Variants in NRG3 observed in about 807,000 individuals in gnomAD.
The protein encoded by NRG3 is neuregulin 3.
A neutral mutation model predicts 66.9 loss-of-function variants in NRG3; 31 were observed. That is an observed-to-expected ratio of 0.46 (90% CI 0.35 to 0.63). The LOEUF (loss-of-function observed/expected upper bound fraction) is 0.63, where lower values mean the gene tolerates loss of function less well. Ranked by LOEUF, NRG3 falls within the 20% of genes least tolerant of loss-of-function variation. The pLI is 0.00. For missense variants in NRG3, 910 were observed against 878.9 expected, an observed-to-expected ratio of 1.04 and a Z score of -0.45; for synonymous variants, 393 against 359.4, an observed-to-expected ratio of 1.09 and a Z score of -1.06.
At chr10:82,153,411 T>TTA (rs112610515) in intron 1 of NRG3, among the ~76,000 whole-genome samples, 23 of 146,528 alleles carry the variant, frequency 1.6e-4, no homozygotes, top group African/African-American at 5.2e-4. Context: ...TAGTATTCCA[T>TTA]TGTGTGTGTG....
chr10:82,205,195 A>G (rs2075053937), intron 1 of NRG3, among the ~76,000 whole-genome samples: 2 of 152,192 alleles, frequency 1.3e-5, no homozygotes, highest in Admixed American at 6.5e-5. Flanking sequence ...ACATCTTTCC[A>G]TTTCTTAAAC....
At chr10:82,787,879 C>G (rs573509638) in intron 3 of NRG3, among the ~76,000 whole-genome samples, 2 of 152,258 alleles carry the variant, frequency 1.3e-5, no homozygotes, top group South Asian at 2.1e-4. Flanking sequence ...AACCACTTGG[C>G]TATGTCTCCA....
chr10:82,472,225 T>C (rs960660402), intron 2 of NRG3, among the ~76,000 whole-genome samples: 8 of 152,210 alleles, frequency 5.3e-5, no homozygotes, highest in Non-Finnish European at 1.0e-4. Flanking sequence ...GCCTGGGGCA[T>C]TGAACACATT....
intron 2 of NRG3, among the ~76,000 whole-genome samples, chr10:82,575,700 G>A (rs1307325920): frequency 1.3e-5 from 2 of 151,608 alleles, no homozygotes; most frequent in East Asian, 3.9e-4. Flanking sequence ...TTTCCTATGG[G>A]GCCAAAAATC....
At chr10:82,156,646 G>A (rs1463157940) in intron 1 of NRG3, among the ~76,000 whole-genome samples, 1 of 151,796 alleles carries the variant, frequency 6.6e-6, no homozygotes, top group East Asian at 1.9e-4. Flanking sequence ...TTGGAAAATT[G>A]TGGAATTTAT....
intron 2 of NRG3, among the ~76,000 whole-genome samples, chr10:82,615,750 T>C (rs2048604656): frequency 6.6e-6 from 1 of 152,100 alleles, no homozygotes; most frequent in South Asian, 2.1e-4. Flanking sequence ...AAGAAAGAGA[T>C]AGTAAAAATG....
intron 4 of NRG3, among the ~76,000 whole-genome samples, chr10:82,899,226 C>A (rs533470401): frequency 1.3e-5 from 2 of 152,270 alleles, no homozygotes; most frequent in South Asian, 4.1e-4. Flanking sequence ...TGGCTGGGAT[C>A]TCTGAATGCT....
intron 2 of NRG3, among the ~76,000 whole-genome samples, chr10:82,432,201 T>A (rs2089858269): frequency 6.6e-6 from 1 of 152,180 alleles, no homozygotes; most frequent in Non-Finnish European, 1.5e-5. Flanking sequence ...AAAAATTGTA[T>A]CTGTTCCTAA....
intron 2 of NRG3, among the ~76,000 whole-genome samples, chr10:82,425,803 G>A (rs1162333992): frequency 3.9e-5 from 6 of 152,144 alleles, no homozygotes; most frequent in African/African-American, 1.2e-4. Context: ...AGTCTTGCCT[G>A]TTGTCTTTGG....
At chr10:82,109,034 C>A (rs1479495271) in intron 1 of NRG3, among the ~76,000 whole-genome samples, 1 of 152,160 alleles carries the variant, frequency 6.6e-6, no homozygotes, top group African/African-American at 2.4e-5. Flanking sequence ...GTTTTATTCA[C>A]CAGGGTATAC....
chr10:82,351,834 C>T (rs114659529), intron 1 of NRG3, among the ~76,000 whole-genome samples: 1 of 152,220 alleles, frequency 6.6e-6, no homozygotes, highest in Non-Finnish European at 1.5e-5. Context: ...TAAGTATGCA[C>T]TTCTGACCTA....
At chr10:81,903,016 C>G (rs1012737109) in intron 1 of NRG3, among the ~76,000 whole-genome samples, 1 of 151,950 alleles carries the variant, frequency 6.6e-6, no homozygotes, top group South Asian at 2.1e-4. Flanking sequence ...AAAAAGGAAA[C>G]CTGAAGTGAA....
chr10:82,151,059 CT>C (rs1239329286), intron 1 of NRG3, among the ~76,000 whole-genome samples: 3 of 152,110 alleles, frequency 2.0e-5, no homozygotes, highest in Non-Finnish European at 4.4e-5. Context: ...AAAATGTATG[CT>C]AAGGGTCCAA....
At chr10:82,705,050 C>T (rs570176693) in intron 2 of NRG3, among the ~76,000 whole-genome samples, 2 of 152,254 alleles carry the variant, frequency 1.3e-5, no homozygotes, top group East Asian at 3.9e-4. Flanking sequence ...CAGCAATCAT[C>T]AGACAGAAAA....
At chr10:82,828,836 C>T (rs1362334159) in intron 3 of NRG3, among the ~76,000 whole-genome samples, 6 of 152,224 alleles carry the variant, frequency 3.9e-5, no homozygotes, top group Non-Finnish European at 5.9e-5. Flanking sequence ...CAGCTTCTTC[C>T]GCCTTCCCTT....
intron 1 of NRG3, among the ~76,000 whole-genome samples, chr10:82,223,590 C>A (rs918904384): frequency 6.6e-6 from 1 of 151,212 alleles, no homozygotes; most frequent in Non-Finnish European, 1.5e-5. Context: ...AGGGTTTTTG[C>A]TGCCTTTGTG....
chr10:82,397,181 G>A (rs2086769485), intron 2 of NRG3, among the ~76,000 whole-genome samples: 2 of 152,002 alleles, frequency 1.3e-5, no homozygotes, highest in Non-Finnish European at 2.9e-5. Flanking sequence ...CTTTTCTCAG[G>A]GTGTCTGTTC....
intron 1 of NRG3, among the ~76,000 whole-genome samples, chr10:82,254,732 AC>A (rs1482007389): frequency 6.6e-6 from 1 of 151,854 alleles, no homozygotes; most frequent in African/African-American, 2.4e-5. Context: ...ACAGGAGCCA[AC>A]AAAAGTATTT....
intron 4 of NRG3, among the ~76,000 whole-genome samples, chr10:82,924,319 C>T (rs1436759715): frequency 8.6e-5 from 13 of 152,024 alleles, no homozygotes; most frequent in African/African-American, 2.7e-4. Context: ...ATGAATCAAT[C>T]GCCTAAGTAT....
Sources: allele counts gnomAD v4.1 joint callset (sites outside exome capture counted in the v4.1 genomes callset), GRCh38; gene constraint gnomAD v4.1.1; transcripts MANE v1.5; gene names NCBI Gene and HGNC (gene_info 2026-07-23, HGNC 2026-07-21).